Variants in XKR9 observed in about 807,000 individuals in gnomAD.
The protein encoded by XKR9 is XK-related protein 9.
Under a neutral mutation model 32.0 loss-of-function variants are expected in XKR9, and 32 were observed. That is an observed-to-expected ratio of 1.00 (90% CI 0.76 to 1.34). The LOEUF is 1.34. XKR9 is among the 40% of genes most tolerant of loss of function. The probability of loss-of-function intolerance (pLI) is 0.00; values close to 1 mark genes in which losing one functional copy is unlikely to be tolerated. For synonymous variants in XKR9, 168 were observed against 143.4 expected, an observed-to-expected ratio of 1.17 and a Z score of -1.22; for missense variants, 546 against 429.7, an observed-to-expected ratio of 1.27 and a Z score of -2.39.
At chr8:70,779,791 G>A (rs1353565087) in intron 2 of XKR9, among the ~76,000 whole-genome samples, 2 of 152,032 alleles carry the variant, frequency 1.3e-5, no homozygotes, top group East Asian at 1.9e-4. Flanking sequence ...CTGTGGGATT[G>A]GTGGTGATAT....
intron 4 of XKR9, among the ~76,000 whole-genome samples, chr8:70,723,793 C>T (rs1260553268): frequency 2.6e-5 from 4 of 152,152 alleles, no homozygotes; most frequent in Non-Finnish European, 5.9e-5. Context: ...GCACAGGAGT[C>T]AGGGACCCAC....
At chr8:70,707,789 C>T (rs2132179582) in intron 4 of XKR9, among the ~76,000 whole-genome samples, 1 of 152,076 alleles carries the variant, frequency 6.6e-6, no homozygotes, top group Middle Eastern at 3.4e-3. Context: ...TGCTGTTTTA[C>T]AGTAGATTTG....
At chr8:70,863,878 A>G in the XKR9 span, among the ~76,000 whole-genome samples, 1 of 152,228 alleles carries the variant, frequency 6.6e-6, no homozygotes, top group Non-Finnish European at 1.5e-5. Flanking sequence ...CTGAAAGGTA[A>G]ACAAAAATTA....
At chr8:70,748,799 C>T (rs987213724) in intron 2 of XKR9, among the ~76,000 whole-genome samples, 1 of 152,184 alleles carries the variant, frequency 6.6e-6, no homozygotes, top group Non-Finnish European at 1.5e-5. Flanking sequence ...CAGGCTTGCC[C>T]ATGGCTGCCC....
At chr8:70,847,678 A>G in the XKR9 span, among the ~76,000 whole-genome samples, 2 of 152,004 alleles carry the variant, frequency 1.3e-5, no homozygotes, top group African/African-American at 4.8e-5. Context: ...AGATCATCAG[A>G]GATTATTATG....
chr8:70,866,975 A>C, the XKR9 span, among the ~76,000 whole-genome samples: 1 of 152,176 alleles, frequency 6.6e-6, no homozygotes, highest in Non-Finnish European at 1.5e-5. Context: ...CAATTTTCCT[A>C]GGTTGGCAAG....
chr8:70,857,260 A>C, the XKR9 span, among the ~76,000 whole-genome samples: 1 of 152,200 alleles, frequency 6.6e-6, no homozygotes, highest in East Asian at 1.9e-4. Context: ...GGGAAGAATC[A>C]AATAGACACA....
At chr8:70,958,762 C>A in the XKR9 span, among the ~76,000 whole-genome samples, 35 of 152,246 alleles carry the variant, frequency 2.3e-4, 1 homozygote, top group African/African-American at 8.2e-4. Context: ...ATCATGGAAT[C>A]TTTGAGATTG....
chr8:70,826,605 T>G, the XKR9 span, among the ~76,000 whole-genome samples: 12 of 152,170 alleles, frequency 7.9e-5, no homozygotes, highest in Non-Finnish European at 1.8e-4. Flanking sequence ...TGTAATAGCT[T>G]GGGCTGGGTG....
At chr8:71,028,795 T>C in the XKR9 span, among the ~76,000 whole-genome samples, 2 of 152,150 alleles carry the variant, frequency 1.3e-5, no homozygotes, top group African/African-American at 4.8e-5. Flanking sequence ...ATCTAAGAAT[T>C]AGGGATATTA....
the XKR9 span, among the ~76,000 whole-genome samples, chr8:70,999,008 A>C: frequency 6.6e-6 from 1 of 152,148 alleles, no homozygotes; most frequent in Non-Finnish European, 1.5e-5. Context: ...CTCCATATCC[A>C]TGGAACAGAT....
the XKR9 span, among the ~76,000 whole-genome samples, chr8:70,845,118 C>T: frequency 6.6e-6 from 1 of 152,216 alleles, no homozygotes; most frequent in African/African-American, 2.4e-5. Flanking sequence ...TAAAACCTCA[C>T]CACAGCCTCT....
chr8:70,953,709 G>A, the XKR9 span, among the ~76,000 whole-genome samples: 1 of 152,166 alleles, frequency 6.6e-6, no homozygotes, highest in Non-Finnish European at 1.5e-5. Flanking sequence ...GGTAACTAGA[G>A]TGAGCCCTAC....
At chr8:70,752,592 C>T (rs914115345) in intron 2 of XKR9, among the ~76,000 whole-genome samples, 3 of 152,148 alleles carry the variant, frequency 2.0e-5, no homozygotes, top group African/African-American at 4.8e-5. Context: ...CTCTTAAAGT[C>T]ACAAGCTCCC....
the XKR9 span, among the ~76,000 whole-genome samples, chr8:70,861,149 C>A: frequency 6.6e-6 from 1 of 151,998 alleles, no homozygotes; most frequent in African/African-American, 2.4e-5. Flanking sequence ...TTTAGAGTGA[C>A]ATGATGAATT....
the XKR9 span, among the ~76,000 whole-genome samples, chr8:70,887,452 T>C: frequency 6.6e-5 from 10 of 152,126 alleles, no homozygotes; most frequent in African/African-American, 2.2e-4. Context: ...TTTTTTCTAA[T>C]TCCGTGAAGA....
At chr8:71,040,344 C>T in the XKR9 span, among the ~76,000 whole-genome samples, 1 of 152,158 alleles carries the variant, frequency 6.6e-6, no homozygotes, top group African/African-American at 2.4e-5. Flanking sequence ...GGCTCATTGA[C>T]TCTATTCAGT....
the XKR9 span, among the ~76,000 whole-genome samples, chr8:70,804,204 T>C: frequency 6.6e-6 from 1 of 152,218 alleles, no homozygotes; most frequent in East Asian, 1.9e-4. Context: ...GCTCTAGCAG[T>C]TGTCATCTGT....
chr8:70,761,226 C>T (rs1807304672), intron 2 of XKR9, among the ~76,000 whole-genome samples: 1 of 152,080 alleles, frequency 6.6e-6, no homozygotes, highest in South Asian at 2.1e-4. Context: ...GGGTATATAC[C>T]CAGTAATGGG....
Sources: gnomAD v4.1 joint callset for allele counts (sites outside exome capture counted in the v4.1 genomes callset) on GRCh38, gnomAD v4.1.1 for gene constraint, MANE v1.5 for transcripts, NCBI Gene and HGNC (gene_info 2026-07-23, HGNC 2026-07-21) for gene names.